The following CFAP221 variants were observed in gnomAD, a reference collection of about 807,000 sequenced individuals.
The protein encoded by CFAP221 is cilia- and flagella-associated protein 221.
CFAP221 carries 97 observed loss-of-function variants against 113.1 expected under a neutral mutation model. The observed-to-expected ratio is 0.86, with a 90% CI of 0.73 to 1.02. The LOEUF is 1.02. Ranked by LOEUF, CFAP221 falls within the 50% of genes least tolerant of loss-of-function variation. CFAP221 has a pLI of 0.00. For synonymous variants in CFAP221, 331 were observed against 354.4 expected, an observed-to-expected ratio of 0.93 and a Z score of 0.74; for missense variants, 1,025 against 1,013.4, an observed-to-expected ratio of 1.01 and a Z score of -0.16.
Position 119,605,165 on chromosome 2 carries a change from C to T in CFAP221, c.1025-16C>T, listed in dbSNP as rs751401128. On this transcript the variant is annotated splice_polypyrimidine_tract_variant and intron_variant, in intron 10 of 23. Transcript: ENST00000413369. ...ATCTGATTACTGGTATAAACATTGT[C>T]TGCTCCTGCCTTCAGTTTTGGACCA... is the stretch of plus-strand genomic sequence containing the variant. 3.8e-6 allele frequency: 6 copies of T among 1,598,456 alleles called. No homozygotes were observed. The South Asian group carries it at 5.5e-5, about 15-fold the overall frequency.
chr2:119,627,643 T>TC lies in CFAP221; in HGVS notation c.1517-9dup, dbSNP rs1558975765. On this transcript the variant is annotated splice_polypyrimidine_tract_variant and intron_variant, in intron 15 of 23. Transcript: ENST00000413369. ...GTACCCCCTAAAAGTGCCCTTTTTT[T>TC]CACCCATAGAGGCGAATTTCTTCAA... 13 of 1,612,350 alleles carry TC rather than the reference T, an allele frequency of 8.1e-6. No homozygotes were observed. Among genetic ancestry groups the TC allele is most frequent in the Non-Finnish European group, 1.1e-5 (13 of 1,179,224 alleles).
chr2:119,636,822 C>G (rs1029476751), intron 19 of CFAP221, among the ~76,000 whole-genome samples: 3 of 152,178 alleles, frequency 2.0e-5, no homozygotes, highest in African/African-American at 7.2e-5. Context: ...ACCACTGAGA[C>G]CAGTTACTCT....
intron 6 of CFAP221, among the ~76,000 whole-genome samples, chr2:119,571,175 T>C (rs1428479702): frequency 7.0e-6 from 1 of 142,210 alleles, no homozygotes; most frequent in Non-Finnish European, 1.5e-5. Flanking sequence ...AGTTTCACTC[T>C]TGTCACCCAG....
At chr2:119,610,783 A>G (rs7570863) in intron 12 of CFAP221, among the ~76,000 whole-genome samples, 41,573 of 152,112 alleles carry the variant, frequency 0.27, 6,592 homozygotes, top group Middle Eastern at 0.37. Flanking sequence ...TATAAACAGT[A>G]TACTTAAGAG....
In CFAP221 at chr2:119,656,514, C is replaced by G. The variant is rs777863983; in HGVS notation, c.*44C>G. 1 of 1,384,566 alleles carries G rather than the reference C, an allele frequency of 7.2e-7. No homozygotes were observed. Among genetic ancestry groups the G allele is most frequent in the Non-Finnish European group, 1.0e-6 (1 of 977,144 alleles). The allele number at this position is 1,384,566 out of a possible 1,614,324, so 85.8% of individuals were successfully genotyped here. On this transcript the variant is annotated 3_prime_UTR_variant, in exon 24 of 24. Transcript: ENST00000413369. ...TCCCTTCCATTTGCTTTCCGTGGGC[C>G]ACTGTGGCCCCTTGCGTCCATTTAC...
intron 20 of CFAP221, among the ~76,000 whole-genome samples, 183 bp from the exon 21 acceptor site, chr2:119,639,598 G>A (rs1409144329): frequency 6.6e-6 from 1 of 152,208 alleles, no homozygotes; most frequent in Non-Finnish European, 1.5e-5. Context: ...ATTCTGTGTT[G>A]CACTGTTTAA....
chr2:119,595,646 A>G (rs1683912923), intron 7 of CFAP221, among the ~76,000 whole-genome samples: 1 of 152,140 alleles, frequency 6.6e-6, no homozygotes. Context: ...TGGGTACTGC[A>G]GAGAGCAAGA....
intron 14 of CFAP221, among the ~76,000 whole-genome samples, chr2:119,620,439 A>G (rs768431786): frequency 1.3e-5 from 2 of 152,244 alleles, no homozygotes; most frequent in Non-Finnish European, 2.9e-5. Context: ...CCAATATTCA[A>G]CATTCTCACA....
intron 3 of CFAP221, among the ~76,000 whole-genome samples, chr2:119,551,236 C>A (rs111562780): frequency 5.6e-4 from 85 of 152,266 alleles, no homozygotes; most frequent in African/African-American, 2.0e-3. Flanking sequence ...CTTTTGTGGA[C>A]ATATTTACCA....
Position 119,605,006 on chromosome 2 carries a change from A to G in CFAP221, c.1024+19A>G. Reference sequence around the variant, plus strand: ...AGAGAAGGTAACCAGTTGATTGGCCATAAAGCAGCCCCTGAGCAGAATATG... The same window carrying G: ...AGAGAAGGTAACCAGTTGATTGGCCGTAAAGCAGCCCCTGAGCAGAATATG... On this transcript the variant is annotated intron_variant, in intron 10 of 23. Coordinates refer to ENST00000413369, the MANE Select transcript of CFAP221 (RefSeq NM_001271049.2). The G allele has an allele frequency of 6.2e-7, 1 of 1,605,618 alleles. No homozygotes were observed. Among genetic ancestry groups the G allele is most frequent in the Non-Finnish European group, 8.5e-7 (1 of 1,172,544 alleles).
rs184650746 is a variant in CFAP221, at chr2:119,577,919, C to T, written c.528-9200C>T. 2.0e-5 allele frequency among the ~76,000 whole-genome samples: 3 copies of T among 152,278 alleles called. No homozygotes were observed. In the East Asian group the frequency reaches 5.8e-4, roughly 29 times the overall value. ...ATTATAACAACAGTAATTTATTTTG[C>T]TCATGGATCTACAACTTGGGCATGG... On this transcript the variant is annotated intron_variant, in intron 6 of 23. Transcript: ENST00000413369.
intron 1 of CFAP221, among the ~76,000 whole-genome samples, 185 bp downstream of exon 1, chr2:119,544,695 G>A (rs1403579024): frequency 1.3e-5 from 2 of 152,170 alleles, no homozygotes; most frequent in Non-Finnish European, 2.9e-5. Context: ...CGCGGGCCTG[G>A]GGCGACCCTG....
rs968489557 is a variant in CFAP221 at position 119,546,108 on chromosome 2, G to C, written c.-24G>C. 6.6e-6 allele frequency: 10 copies of C among 1,519,624 alleles called. No homozygotes were observed. The African/African-American group carries it at 1.1e-4, about 17-fold the overall frequency. The allele number at this position is 1,519,624 out of a possible 1,614,324, so 94.1% of individuals were successfully genotyped here. The stretch of plus-strand genomic sequence containing the variant: ...AGGACATGACCTTTGGCTCTAAAAA[G>C]AAGACTCCATTTTTCATGATAAAAT... On this transcript the variant is annotated 5_prime_UTR_variant, in exon 2 of 24. Coordinates refer to ENST00000413369, the MANE Select transcript of CFAP221 (RefSeq NM_001271049.2).
chr2:119,603,930 A>G (rs1053182334), intron 8 of CFAP221, among the ~76,000 whole-genome samples: 1 of 152,198 alleles, frequency 6.6e-6, no homozygotes, highest in Non-Finnish European at 1.5e-5. Flanking sequence ...TACCATGTCC[A>G]AAGTCAGTTT....
intron 10 of CFAP221, 24 bp from the exon 11 acceptor site, chr2:119,605,157 A>G: frequency 3.1e-6 from 5 of 1,587,888 alleles, no homozygotes; most frequent in Non-Finnish European, 4.3e-6. Flanking sequence ...TACTGGTATA[A>G]ACATTGTCTG....
chr2:119,561,425 T>C (rs1385124638), intron 5 of CFAP221, among the ~76,000 whole-genome samples: 1 of 152,234 alleles, frequency 6.6e-6, no homozygotes, highest in Non-Finnish European at 1.5e-5. Flanking sequence ...TACCAAATAA[T>C]GCTAATAATA....
chr2:119,570,614 C>A (rs745977962), intron 6 of CFAP221, among the ~76,000 whole-genome samples: 1 of 152,174 alleles, frequency 6.6e-6, no homozygotes, highest in Non-Finnish European at 1.5e-5. Flanking sequence ...ATAAATGGAA[C>A]CATACAACAT....
chr2:119,555,274 C>T (rs955980365), intron 3 of CFAP221, among the ~76,000 whole-genome samples: 6 of 152,090 alleles, frequency 3.9e-5, no homozygotes, highest in African/African-American at 1.4e-4. Context: ...GAAACAGGGA[C>T]CCCCAGGCCA....
chr2:119,548,109 G>A (rs1477223328), intron 2 of CFAP221, among the ~76,000 whole-genome samples: 13 of 152,010 alleles, frequency 8.6e-5, no homozygotes, highest in Admixed American at 1.3e-4. Flanking sequence ...GATCACAAGC[G>A]CACACTACCA....
Sources: gnomAD v4.1 joint callset for allele counts (sites outside exome capture counted in the v4.1 genomes callset) on GRCh38, gnomAD v4.1.1 for gene constraint, MANE v1.5 for transcripts, NCBI Gene and HGNC (gene_info 2026-07-23, HGNC 2026-07-21) for gene names.